The following EPM2A variants were observed in gnomAD, a reference collection of about 807,000 sequenced individuals.
EPM2A encodes EPM2A glucan phosphatase, laforin.
EPM2A carries 21 observed loss-of-function variants against 26.5 expected under a neutral mutation model. That is an observed-to-expected ratio of 0.79 (90% CI 0.56 to 1.14). The LOEUF (loss-of-function observed/expected upper bound fraction) is 1.14, where lower values mean the gene tolerates loss of function less well. Among genes scored for constraint, EPM2A ranks in the 50% most tolerant of loss-of-function variants. The pLI is 0.00. For missense variants in EPM2A, 458 were observed against 440.8 expected, an observed-to-expected ratio of 1.04 and a Z score of -0.35; for synonymous variants, 217 against 177.6, an observed-to-expected ratio of 1.22 and a Z score of -1.76.
At chr6:145,657,232 G>A (rs747313738) in intron 2 of EPM2A, among the ~76,000 whole-genome samples, 73 of 151,776 alleles carry the variant, frequency 4.8e-4, no homozygotes, top group Non-Finnish European at 2.5e-4. Flanking sequence ...TGGGACTACA[G>A]GCGAGCACCA....
At chr6:145,548,524 C>T (rs145242398) in intron 2 of EPM2A, among the ~76,000 whole-genome samples, 6 of 152,096 alleles carry the variant, frequency 3.9e-5, no homozygotes, top group East Asian at 1.9e-4. Flanking sequence ...AACCTTGAAG[C>T]GGGACATTGG....
intron 2 of EPM2A, among the ~76,000 whole-genome samples, chr6:145,593,955 GA>G (rs200892958): frequency 0.016 from 2,456 of 151,264 alleles, 86 homozygotes; most frequent in African/African-American, 0.057. Context: ...TAAAACAATA[GA>G]AAAAAACAAC....
intron 2 of EPM2A, chr6:145,671,108 C>T (rs1019522309): frequency 6.0e-6 from 6 of 993,250 alleles, no homozygotes; most frequent in South Asian, 4.4e-5. Flanking sequence ...GTAATTAGGT[C>T]CCATTGCCCA....
At chr6:145,581,532 G>T (rs1009313864) in intron 2 of EPM2A, among the ~76,000 whole-genome samples, 2 of 151,992 alleles carry the variant, frequency 1.3e-5, no homozygotes, top group African/African-American at 4.8e-5. Context: ...TGTTTATTTT[G>T]CAATTGTTTT....
chr6:145,462,047 T>C (rs891515790), intron 4 of EPM2A, among the ~76,000 whole-genome samples: 7 of 152,186 alleles, frequency 4.6e-5, no homozygotes, highest in African/African-American at 1.7e-4. Flanking sequence ...CATGGGCAAA[T>C]TCCTAAACAT....
intron 4 of EPM2A, among the ~76,000 whole-genome samples, chr6:145,402,046 T>C (rs577419719): frequency 6.6e-6 from 1 of 152,168 alleles, no homozygotes; most frequent in African/African-American, 2.4e-5. Context: ...ATATTAAAAC[T>C]AGTGGGTGAG....
Position 145,735,274 on chromosome 6 carries a change from C to G in EPM2A, c.225G>C (p.Gly75=). The G allele has an allele frequency of 6.6e-7, 1 of 1,509,464 alleles. No individual in the cohort carries two copies. The highest frequency in any genetic ancestry group is 8.9e-7 in the Non-Finnish European group (1 of 1,127,470). 93.5% of individuals were successfully genotyped at this position (1,509,464 alleles called of 1,614,324 possible). The change falls in exon 1 of 4, where the codon GGG becomes GGC. Residue 75 remains glycine (G), a synonymous_variant. Transcript: ENST00000367519. ...ELAAEEAAQD[G]AEPGRVDTFW... ...ACGTGTCCACGCGGCCCGGCTCCGC[C>G]CCGTCCTGCGCCGCCTCCTCGGCCG...
intron 1 of EPM2A, among the ~76,000 whole-genome samples, chr6:145,699,494 T>C (rs1482975705): frequency 1.3e-5 from 2 of 152,300 alleles, no homozygotes; most frequent in East Asian, 3.9e-4. Context: ...AATATCAGTA[T>C]GGGCTAGAAT....
intron 2 of EPM2A, among the ~76,000 whole-genome samples, chr6:145,506,396 G>T (rs411641): frequency 6.6e-6 from 1 of 151,796 alleles, no homozygotes; most frequent in East Asian, 1.9e-4. Flanking sequence ...GACAACAGAC[G>T]CCTTAGACAT....
chr6:145,508,268 T>G lies in EPM2A; in HGVS notation c.341-5693A>C, dbSNP rs563654331. Among the ~76,000 whole-genome samples, 3 of 152,256 alleles carry G rather than the reference T, an allele frequency of 2.0e-5. No individual in the cohort carries two copies. The South Asian group carries it at 6.2e-4, about 32-fold the overall frequency. ...CCATTGGCTCTACCCCCACCAAAGG[T>G]GAGCATGAGCTGAGGGAGGGTGCTT... On this transcript the variant is annotated intron_variant, in intron 2 of 3. Transcript: ENST00000450221.
chr6:145,734,211 G>T (rs567999758), intron 1 of EPM2A, among the ~76,000 whole-genome samples: 4 of 152,284 alleles, frequency 2.6e-5, no homozygotes, highest in African/African-American at 9.6e-5. Context: ...AATGCACATT[G>T]GTAGATGCAG....
chr6:145,553,100 C>G, intron 2 of EPM2A, among the ~76,000 whole-genome samples: 1 of 152,036 alleles, frequency 6.6e-6, no homozygotes, highest in East Asian at 1.9e-4. Flanking sequence ...ATGCTGTTAT[C>G]ATGATAATGA....
downstream of EPM2A, among the ~76,000 whole-genome samples, chr6:145,497,633 C>T (rs769605045): frequency 2.8e-5 from 4 of 141,404 alleles, no homozygotes; most frequent in South Asian, 2.4e-4. Flanking sequence ...GCCTGGAGAC[C>T]GGAACAGCTA....
chr6:145,677,533 C>T (rs1488793840), intron 2 of EPM2A, among the ~76,000 whole-genome samples: 1 of 152,084 alleles, frequency 6.6e-6, no homozygotes, highest in Non-Finnish European at 1.5e-5. Context: ...TTTAGAAAAC[C>T]CCATCATCTC....
chr6:145,636,203 T>G (rs1454111338), intron 2 of EPM2A: 1 of 152,204 alleles, frequency 6.6e-6, no homozygotes, highest in Non-Finnish European at 1.5e-5. Context: ...AGAAAAAACA[T>G]AAAACACGCT....
intron 2 of EPM2A, among the ~76,000 whole-genome samples, chr6:145,523,063 G>C (rs1218762259): frequency 6.6e-6 from 1 of 152,120 alleles, no homozygotes; most frequent in Non-Finnish European, 1.5e-5. Context: ...TCTATATTCA[G>C]ACATTTTCAT....
At chr6:145,412,396 G>T (rs1778656215) in intron 4 of EPM2A, among the ~76,000 whole-genome samples, 1 of 151,988 alleles carries the variant, frequency 6.6e-6, no homozygotes, top group African/African-American at 2.4e-5. Context: ...ATCTTTAATA[G>T]ATGGGTCTGA....
intron 1 of EPM2A, among the ~76,000 whole-genome samples, chr6:145,717,117 T>G (rs1272070925): frequency 6.6e-6 from 1 of 152,188 alleles, no homozygotes; most frequent in Admixed American, 6.5e-5. Context: ...ACTCATTTTA[T>G]GAGGCCAGCA....
intron 1 of EPM2A, among the ~76,000 whole-genome samples, chr6:145,687,974 A>G (rs1444853963): frequency 6.6e-6 from 1 of 152,244 alleles, no homozygotes; most frequent in East Asian, 1.9e-4. Context: ...AAGAAAAAAG[A>G]ATTTCTGATG....
Sources: gnomAD v4.1 joint callset for allele counts (sites outside exome capture counted in the v4.1 genomes callset) on GRCh38, gnomAD v4.1.1 for gene constraint, MANE v1.5 for transcripts, NCBI Gene and HGNC (gene_info 2026-07-23, HGNC 2026-07-21) for gene names.